Variants in WASF2 observed in about 807,000 individuals in gnomAD.
WASF2 encodes WASP family member 2.
WASF2 carries 14 observed loss-of-function variants against 45.0 expected under a neutral mutation model. That is an observed-to-expected ratio of 0.31 (90% CI 0.21 to 0.49). WASF2 has a LOEUF of 0.49. WASF2 is among the 20% of genes least tolerant of loss of function. The probability of loss-of-function intolerance (pLI) is 0.99; values close to 1 mark genes in which losing one functional copy is unlikely to be tolerated. For synonymous variants in WASF2, 200 were observed against 236.3 expected (o/e 0.85, Z 1.41); for missense variants, 439 against 636.1 (o/e 0.69, Z 3.33).
chr1:27,447,803 AT>A (rs2017330189), intron 1 of WASF2, among the ~76,000 whole-genome samples: 1 of 152,232 alleles, frequency 6.6e-6, no homozygotes, highest in Non-Finnish European at 1.5e-5. Flanking sequence ...CTCTTGCAAA[AT>A]TTAAATGATT....
At chr1:27,484,680 C>T (rs919889126) in intron 1 of WASF2, among the ~76,000 whole-genome samples, 1 of 151,774 alleles carries the variant, frequency 6.6e-6, no homozygotes, top group Non-Finnish European at 1.5e-5. Context: ...GGCATGGTGG[C>T]GGGCACCTGT....
At chr1:27,441,909 A>G (rs1386086241) in intron 1 of WASF2, among the ~76,000 whole-genome samples, 1 of 149,772 alleles carries the variant, frequency 6.7e-6, no homozygotes, top group Admixed American at 6.6e-5. Context: ...CTGGCGACAC[A>G]ACGAGACTCC....
At chr1:27,452,061 G>A (rs562077800) in intron 1 of WASF2, among the ~76,000 whole-genome samples, 2 of 152,256 alleles carry the variant, frequency 1.3e-5, no homozygotes, top group South Asian at 4.1e-4. Flanking sequence ...GATAAGGCAG[G>A]AGACCACTGT....
At chr1:27,456,380 GA>G (rs1319078628) in intron 1 of WASF2, among the ~76,000 whole-genome samples, 3 of 142,390 alleles carry the variant, frequency 2.1e-5, no homozygotes, top group African/African-American at 7.8e-5. Context: ...AGACTATGAA[GA>G]AAAAAAATCA....
In WASF2 at chr1:27,405,599, C is replaced by CTTTTTTTTTTTTTTTTTTTTTTT. The variant is rs769753375; in HGVS notation, c.*2567_*2589dup. ...TAAAGGGCTCTGGGTCTAAAGAAGC[C>CTTTTTTTTTTTTTTTTTTTTTTT]TTTTTTTTTTTTTTTTTTTTTTTTT... On this transcript the variant is annotated 3_prime_UTR_variant, in exon 9 of 9. Transcript: ENST00000618852. The CTTTTTTTTTTTTTTTTTTTTTTT allele has an allele frequency of 1.8e-5, 1 of 56,646 alleles. No homozygotes were observed. Among genetic ancestry groups the CTTTTTTTTTTTTTTTTTTTTTTT allele is most frequent in the East Asian group, 5.8e-4 (1 of 1,722 alleles). The allele number at this position is 56,646 out of a possible 1,614,324, so 3.5% of individuals were successfully genotyped here.
intron 1 of WASF2, among the ~76,000 whole-genome samples, chr1:27,489,600 G>A (rs2018001240): frequency 6.6e-6 from 1 of 152,168 alleles, no homozygotes; most frequent in South Asian, 2.1e-4. Flanking sequence ...TCAGACAACA[G>A]CTGGGACCCA....
intron 1 of WASF2, among the ~76,000 whole-genome samples, chr1:27,471,788 G>A (rs990912191): frequency 1.9e-4 from 29 of 152,308 alleles, no homozygotes; most frequent in Middle Eastern, 6.8e-3. Flanking sequence ...AGAATGTCCA[G>A]AAGGAAGGCC....
At chr1:27,471,344 CA>C (rs35393807) in intron 1 of WASF2, among the ~76,000 whole-genome samples, 744 of 53,162 alleles carry the variant, frequency 0.014, 4 homozygotes, top group African/African-American at 0.041. Context: ...GACTCTGTCT[CA>C]AAAAAAAAAA....
intron 1 of WASF2, among the ~76,000 whole-genome samples, chr1:27,430,591 A>C (rs1381061115): frequency 6.6e-6 from 1 of 151,368 alleles, no homozygotes; most frequent in Non-Finnish European, 1.5e-5. Context: ...CGAACTCCTG[A>C]GCTCAGCCTC....
chr1:27,488,183 A>G (rs1427290967), intron 1 of WASF2, among the ~76,000 whole-genome samples: 2 of 152,090 alleles, frequency 1.3e-5, no homozygotes, highest in African/African-American at 4.8e-5. Context: ...TTTCTTCTCC[A>G]CTACTGACAT....
chr1:27,407,423 A>T lies in WASF2; in HGVS notation c.*766T>A, dbSNP rs889161042. 1.3e-5 allele frequency: 2 copies of T among 152,678 alleles called. No homozygotes were observed. Among genetic ancestry groups the T allele is most frequent in the Non-Finnish European group, 2.9e-5 (2 of 68,106 alleles). 9.5% of individuals were successfully genotyped at this position (152,678 alleles called of 1,614,324 possible). The stretch of plus-strand genomic sequence containing the variant: ...GCCCCTGTCCTCATGTGTCAGGGAT[A>T]GTTTGGTCATGGATACTAGAGGTTA... On this transcript the variant is annotated 3_prime_UTR_variant, in exon 9 of 9. Coordinates refer to ENST00000618852, the MANE Select transcript of WASF2 (RefSeq NM_006990.5).
intron 1 of WASF2, among the ~76,000 whole-genome samples, chr1:27,462,672 T>C (rs1165077890): frequency 6.6e-6 from 1 of 152,154 alleles, no homozygotes; most frequent in Non-Finnish European, 1.5e-5. Context: ...CTTGGGTAGA[T>C]TTCTTAACCT....
intron 1 of WASF2, among the ~76,000 whole-genome samples, chr1:27,474,143 A>G (rs2017732621): frequency 6.6e-6 from 1 of 152,220 alleles, no homozygotes; most frequent in Admixed American, 6.5e-5. Context: ...GAACAAAATA[A>G]TGTTATTCAA....
At chr1:27,454,157 A>G (rs1243114306) in intron 1 of WASF2, among the ~76,000 whole-genome samples, 4 of 94,424 alleles carry the variant, frequency 4.2e-5, no homozygotes, top group South Asian at 4.2e-4. Flanking sequence ...GTGTGTGTAT[A>G]TATATATATA....
chr1:27,469,070 G>A (rs1023297204), intron 1 of WASF2, among the ~76,000 whole-genome samples: 1 of 152,158 alleles, frequency 6.6e-6, no homozygotes, highest in Non-Finnish European at 1.5e-5. Flanking sequence ...ATTAATTGTG[G>A]AAATTTGAAC....
At position 27,449,155 on chromosome 1, in the gene WASF2, G is replaced by A. The variant is rs540653832; in HGVS notation, c.-43-20222C>T. Among the ~76,000 whole-genome samples the A allele has an allele frequency of 1.3e-3, 205 of 152,092 alleles. 1 individual carries two copies. Among genetic ancestry groups the A allele is most frequent in the Non-Finnish European group, 2.5e-3 (172 of 68,040 alleles). On this transcript the variant is annotated intron_variant, in intron 1 of 8. Transcript: ENST00000618852. ...ACGGTTCTCTAAATATCCATAACACGTTGTCCATGTCTATACCATCACACG... is the reference window on the plus strand; with the variant it reads ...ACGGTTCTCTAAATATCCATAACACATTGTCCATGTCTATACCATCACACG...
Position 27,409,761 on chromosome 1 carries a change from T to C in WASF2, c.1270A>G (p.Thr424Ala). 6.5e-7 allele frequency: 1 copy of C among 1,537,366 alleles called. No homozygotes were observed. The highest frequency in any genetic ancestry group is 8.7e-7 in the Non-Finnish European group (1 of 1,143,572). Reference sequence around the variant, plus strand: ...GCAGGCAAGGAGGACTTGGGCTTGGTGGTATCAGAAAGCGGTGGTGGTATA... The same window carrying C: ...GCAGGCAAGGAGGACTTGGGCTTGGCGGTATCAGAAAGCGGTGGTGGTATA... ...PAIPPPLSDT[T>A]KPKSSLPAVS... The change falls in exon 8 of 9, where the codon ACC becomes GCC. Residue 424 changes from threonine to alanine, a missense_variant. Around this residue, in one of 5 missense-constraint regions of WASF2, gnomAD observed 286 missense variants for 373.5 expected, o/e 0.77. Coordinates refer to ENST00000618852, the MANE Select transcript of WASF2 (RefSeq NM_006990.5).
At chr1:27,425,634 T>G (rs2016968336) in intron 2 of WASF2, among the ~76,000 whole-genome samples, 1 of 151,924 alleles carries the variant, frequency 6.6e-6, no homozygotes, top group African/African-American at 2.4e-5. Flanking sequence ...GTCAGGAGAT[T>G]AAGACCATCC....
At chr1:27,489,921 G>A (rs79910937) in intron 1 of WASF2, 65 bp downstream of exon 1, 2 of 151,980 alleles carry the variant, frequency 1.3e-5, no homozygotes, top group African/African-American at 4.8e-5. Context: ...CACGGCTCGG[G>A]AAGAGCGGCC....
Sources: gnomAD v4.1 joint callset for allele counts (sites outside exome capture counted in the v4.1 genomes callset) on GRCh38, gnomAD v4.1.1 for gene constraint, gnomAD v4.1.1 regional missense constraint, MANE v1.5 for transcripts, NCBI Gene and HGNC (gene_info 2026-07-23, HGNC 2026-07-21) for gene names.